Variants in CTNNA2 observed in about 807,000 individuals in gnomAD.
The protein encoded by CTNNA2 is catenin alpha-2.
A neutral mutation model predicts 101.0 loss-of-function variants in CTNNA2; 42 were observed. The ratio of observed to expected loss-of-function variants is 0.42; its 90% CI spans 0.32 to 0.54. CTNNA2 has a LOEUF of 0.54. CTNNA2 is among the 20% of genes least tolerant of loss of function. The pLI, the probability that CTNNA2 is intolerant of heterozygous loss-of-function variation, is 0.14. For missense variants in CTNNA2, 871 were observed against 1,223.1 expected (o/e 0.71, Z 4.29); for synonymous variants, 450 against 456.4 (o/e 0.99, Z 0.18).
intron 4 of CTNNA2, among the ~76,000 whole-genome samples, chr2:79,445,380 GC>G (rs1678821617): frequency 6.6e-6 from 1 of 152,242 alleles, no homozygotes; most frequent in East Asian, 1.9e-4. Context: ...TTGTTACATG[GC>G]CTAGGGCCAG....
intron 2 of CTNNA2, among the ~76,000 whole-genome samples, chr2:79,310,611 T>G (rs538898404): frequency 6.6e-6 from 1 of 152,326 alleles, no homozygotes; most frequent in South Asian, 2.1e-4. Flanking sequence ...TTAAAGAAAC[T>G]TGGGTGCTGC....
chr2:80,307,185 T>A (rs1025534918), intron 7 of CTNNA2, among the ~76,000 whole-genome samples: 1 of 151,860 alleles, frequency 6.6e-6, no homozygotes, highest in African/African-American at 2.4e-5. Flanking sequence ...TTCTACAGTT[T>A]TAAACCCCTT....
chr2:80,576,935 T>C (rs186234320), intron 13 of CTNNA2, among the ~76,000 whole-genome samples: 53 of 152,176 alleles, frequency 3.5e-4, no homozygotes, highest in Middle Eastern at 3.4e-3. Flanking sequence ...CCAAACTGTG[T>C]ATCAAGGTGC....
intron 8 of CTNNA2, among the ~76,000 whole-genome samples, chr2:80,417,266 G>T (rs931661729): frequency 6.7e-6 from 1 of 149,690 alleles, no homozygotes; most frequent in African/African-American, 2.4e-5. Flanking sequence ...TTTTTTTGGT[G>T]AGAATATTAA....
chr2:80,216,830 G>A (rs896121143), intron 7 of CTNNA2, among the ~76,000 whole-genome samples: 2 of 140,532 alleles, frequency 1.4e-5, no homozygotes, highest in African/African-American at 5.5e-5. Context: ...CTTAGCCTAA[G>A]CTATTTCCAT....
chr2:80,586,402 G>A (rs1043135218), intron 14 of CTNNA2: 5 of 152,068 alleles, frequency 3.3e-5, no homozygotes, highest in East Asian at 1.9e-4. Context: ...GTAGTTTTAC[G>A]GATTCTTTTT....
chr2:79,758,635 C>A (rs1351980179), intron 3 of CTNNA2, among the ~76,000 whole-genome samples: 4 of 152,130 alleles, frequency 2.6e-5, no homozygotes, highest in Non-Finnish European at 5.9e-5. Flanking sequence ...TCTATTGTCA[C>A]CATCTTTATG....
At chr2:79,290,216 A>G (rs1467639970) in intron 2 of CTNNA2, among the ~76,000 whole-genome samples, 1 of 152,212 alleles carries the variant, frequency 6.6e-6, no homozygotes, top group Non-Finnish European at 1.5e-5. Context: ...GGACTGGTCA[A>G]CTAGTACCAT....
Position 79,390,615 on chromosome 2 carries a change from G to A in CTNNA2, c.-135+16602G>A, listed in dbSNP as rs76188708. The stretch of plus-strand genomic sequence containing the variant: ...TAACACTTCAACATTGTTCAGTGGC[G>A]TCAGAGTAAGTTCCCATTCAAGCAA... On this transcript the variant is annotated intron_variant, in intron 4 of 21. Transcript: ENST00000466387. Among the ~76,000 whole-genome samples, 374 of 152,200 alleles carry A rather than the reference G, an allele frequency of 2.5e-3. 2 individuals are homozygous for A. The highest frequency in any genetic ancestry group is 7.7e-3 in the African/African-American group (320 of 41,534).
At chr2:80,405,988 A>T (rs1054311056) in intron 8 of CTNNA2, among the ~76,000 whole-genome samples, 1 of 152,220 alleles carries the variant, frequency 6.6e-6, no homozygotes, top group African/African-American at 2.4e-5. Flanking sequence ...TTCAATTTCA[A>T]CAAGGATCAG....
At chr2:80,344,604 C>A (rs1182461703) in intron 7 of CTNNA2, among the ~76,000 whole-genome samples, 1 of 152,308 alleles carries the variant, frequency 6.6e-6, no homozygotes, top group South Asian at 2.1e-4. Flanking sequence ...CCTGCCCCAG[C>A]ATCCCAAGTA....
Position 80,143,795 on chromosome 2 carries a change from G to A in CTNNA2, c.1056+233998G>A, listed in dbSNP as rs141482001. Among the ~76,000 whole-genome samples the A allele has an allele frequency of 1.2e-4, 19 of 152,254 alleles. No homozygotes were observed. In the East Asian group the frequency reaches 3.5e-3, roughly 28 times the overall value. ...TAATTGCAGTGAGAAGTTCTGTTTT[G>A]CCAAATACTTGAGTGGAAAAATTAT... On this transcript the variant is annotated intron_variant, in intron 7 of 18. Transcript: ENST00000402739.
chr2:79,914,875 C>T (rs1444259384), intron 7 of CTNNA2, among the ~76,000 whole-genome samples: 3 of 151,624 alleles, frequency 2.0e-5, no homozygotes, highest in Non-Finnish European at 4.4e-5. Flanking sequence ...CACATGAAGA[C>T]ATATTGATAT....
intron 4 of CTNNA2, among the ~76,000 whole-genome samples, chr2:79,479,012 A>G (rs1474002705): frequency 3.3e-5 from 5 of 152,216 alleles, no homozygotes. Context: ...GAAGGGGATG[A>G]ATATCAATTG....
chr2:79,226,188 C>T (rs1674406524), intron 2 of CTNNA2, among the ~76,000 whole-genome samples: 1 of 152,204 alleles, frequency 6.6e-6, no homozygotes, highest in African/African-American at 2.4e-5. Flanking sequence ...TCTCCATCAA[C>T]TTGCAAGCTA....
chr2:80,328,869 C>G (rs4630793), intron 7 of CTNNA2, among the ~76,000 whole-genome samples: 2 of 152,024 alleles, frequency 1.3e-5, no homozygotes, highest in Non-Finnish European at 2.9e-5. Flanking sequence ...AGCACCATTA[C>G]GGAATATAAG....
chr2:79,365,348 G>A (rs182871167), intron 3 of CTNNA2, among the ~76,000 whole-genome samples: 5 of 152,200 alleles, frequency 3.3e-5, no homozygotes, highest in Non-Finnish European at 1.5e-5. Context: ...AATAGCCAAG[G>A]GTGGTGTCTC....
intron 7 of CTNNA2, among the ~76,000 whole-genome samples, chr2:80,043,056 TTTC>T (rs1239123909): frequency 3.0e-4 from 11 of 36,918 alleles, no homozygotes; most frequent in Non-Finnish European, 5.7e-4. Flanking sequence ...TCTTTCTTTC[TTTC>T]TTTCTTTCTT....
chr2:79,450,283 A>G (rs1186766848), intron 4 of CTNNA2, among the ~76,000 whole-genome samples: 1 of 152,014 alleles, frequency 6.6e-6, no homozygotes, highest in Non-Finnish European at 1.5e-5. Flanking sequence ...CAGATTCAAC[A>G]TTAAAGAATC....
Sources: gnomAD v4.1 joint callset for allele counts (sites outside exome capture counted in the v4.1 genomes callset) on GRCh38, gnomAD v4.1.1 for gene constraint, MANE v1.5 for transcripts, NCBI Gene and HGNC (gene_info 2026-07-23, HGNC 2026-07-21) for gene names.